Variants in KANK3 observed in about 807,000 individuals in gnomAD.
KANK3 encodes the protein KN motif and ankyrin repeat domains 3, also known as KN motif and ankyrin repeat domain-containing protein 3.
In KANK3, 61 loss-of-function variants were observed where a neutral mutation model predicts 65.4. That is an observed-to-expected ratio of 0.93 (90% confidence interval 0.76 to 1.15). KANK3 has a LOEUF of 1.15. KANK3 is among the 50% of genes most tolerant of loss of function. The pLI is 0.00. For missense variants in KANK3, 1,187 were observed against 1,178.8 expected (o/e 1.01, Z -0.10); for synonymous variants, 586 against 543.3 (o/e 1.08, Z -1.09).
At chr19:8,342,451 C>T (rs976900157) in intron 1 of KANK3, among the ~76,000 whole-genome samples, 3 of 152,164 alleles carry the variant, frequency 2.0e-5, no homozygotes, top group African/African-American at 7.2e-5. Context: ...ACAGCTAGAT[C>T]CGGATTCTGT....
rs754683116 is a variant in KANK3 at position 8,333,083 on chromosome 19, C to T, written c.1867G>A (p.Gly623Arg). The change falls in exon 7 of 11, where the codon GGG becomes AGG. Residue 623 changes from glycine to arginine, a missense_variant. This residue lies in a region of KANK3 where 1,078 missense variants were observed against 1,038.2 expected (regional missense o/e 1.04). Transcript: ENST00000330915. The surrounding 1 kb of genome is among the most constrained non-coding windows in gnomAD (Gnocchi z 5.0). The part of the protein sequence containing the change: ...AHVVNLADGN[G>R]NTALHYSVSH... Reference sequence around the variant, plus strand: ...ACACTGTAGTGCAGGGCCGTGTTCCCGTTGCCATCCGCCAGGTTCACCACG... The same window carrying T: ...ACACTGTAGTGCAGGGCCGTGTTCCTGTTGCCATCCGCCAGGTTCACCACG... 6.3e-6 allele frequency: 10 copies of T among 1,590,076 alleles called. No individual in the cohort carries two copies. Among genetic ancestry groups the T allele is most frequent in the South Asian group, 1.1e-5 (1 of 90,686 alleles).
chr19:8,340,110 G>A (rs1290017192), intron 1 of KANK3, among the ~76,000 whole-genome samples: 1 of 150,950 alleles, frequency 6.6e-6, no homozygotes, highest in African/African-American at 2.4e-5. Flanking sequence ...AAATGTCATC[G>A]CCATAGCTGG....
At position 8,326,421 on chromosome 19, in the gene KANK3, C is replaced by CA. The variant is rs1479288810; in HGVS notation, c.1937-1326dup. On this transcript the variant is annotated intron_variant, in intron 7 of 10. Coordinates refer to ENST00000330915, the MANE Select transcript of KANK3 (RefSeq NM_198471.3). ...TGGGTAACACAGTGAGACCCTGTCT[C>CA]AAACAAACAAACAAAAACACCTGCC... Among the ~76,000 whole-genome samples, 8 of 143,396 alleles carry CA rather than the reference C, an allele frequency of 5.6e-5. No individual in the cohort carries two copies. In the Admixed American group the frequency reaches 5.8e-4, roughly 10 times the overall value. 94.1% of individuals were successfully genotyped at this position (143,396 alleles called of 152,430 possible).
rs1970346417 is a variant in KANK3, at chr19:8,322,906, CCAG to C, written c.2396_2398del (p.Pro799_Gly800delinsArg). ...TTCACCAGGTGTGGCTGTCTGGGAGCCAGGGGGTGACTCGCTCTGGAGAGAGGG... is the reference window on the plus strand; with the variant it reads ...TTCACCAGGTGTGGCTGTCTGGGAGCGGGGTGACTCGCTCTGGAGAGAGGG... On this transcript the variant is annotated inframe_deletion, in exon 11 of 11. Coordinates refer to ENST00000330915, the MANE Select transcript of KANK3 (RefSeq NM_198471.3). 5 of 1,544,260 alleles carry C rather than the reference CCAG, an allele frequency of 3.2e-6. No homozygotes were observed. The East Asian group carries it at 1.2e-4, about 37-fold the overall frequency.
chr19:8,340,291 T>TATATATATATATACACACACACACAC (rs1472181365), intron 1 of KANK3, among the ~76,000 whole-genome samples: 1 of 92,870 alleles, frequency 1.1e-5, no homozygotes, highest in African/African-American at 4.4e-5. Flanking sequence ...TATATATATA[T>TATATATATATATACACACACACACAC]ACACACACAC....
At chr19:8,340,614 C>T (rs1970712101) in intron 1 of KANK3, among the ~76,000 whole-genome samples, 1 of 152,168 alleles carries the variant, frequency 6.6e-6, no homozygotes, top group Non-Finnish European at 1.5e-5. Flanking sequence ...CTTCTGGCTT[C>T]TCGAATCCCT....
At chr19:8,328,356 GTC>G (rs1294715786) in intron 7 of KANK3, among the ~76,000 whole-genome samples, 1 of 149,056 alleles carries the variant, frequency 6.7e-6, no homozygotes. Context: ...CTTGATAATC[GTC>G]TCTCTCCACT....
rs767249435 is a variant in KANK3, at chr19:8,322,788, C to T, written c.*51G>A. On this transcript the variant is annotated 3_prime_UTR_variant, in exon 11 of 11. Transcript: ENST00000330915. ...TTCTGTGCGCCAAAGGCTGAGGTGA[C>T]TGACGAGGAGATCTCCCCACAGCTA... The T allele has an allele frequency of 3.6e-6, 5 of 1,393,380 alleles. No homozygotes were observed. In the East Asian group the frequency reaches 1.2e-4, roughly 32 times the overall value. The allele number at this position is 1,393,380 out of a possible 1,614,324, so 86.3% of individuals were successfully genotyped here.
chr19:8,333,276 G>A lies in KANK3; in HGVS notation c.1720-46C>T, dbSNP rs1160839502. ...GATAACATCGGCGATGGTCCACGGC[G>A]GCGCCGTGGTGGGGGAGCTGGGGAG... On this transcript the variant is annotated intron_variant, in intron 6 of 10. Coordinates refer to ENST00000330915, the MANE Select transcript of KANK3 (RefSeq NM_198471.3). The surrounding 1 kb of genome is among the most constrained non-coding windows in gnomAD (Gnocchi z 5.0). The A allele has an allele frequency of 2.6e-6, 4 of 1,511,776 alleles. No individual in the cohort carries two copies. The South Asian group carries it at 3.5e-5, about 13-fold the overall frequency. 93.6% of individuals were successfully genotyped at this position (1,511,776 alleles called of 1,614,324 possible). A position where few individuals can be genotyped will look rare whatever the true frequency, so the allele number is the denominator to read the frequency against.
In KANK3 at chr19:8,335,457, G is replaced by A; in HGVS notation, c.370C>T (p.Pro124Ser). ...TGCTCGACGCGCGGGTTGCGCACGG[G>A]CGCGCGCGGCGACAGCGGCTGCATC... ...LLMQPLSPRA[P>S]VRNPRVEHTL... Residue 124 changes from proline (P) to serine (S), a missense_variant, in exon 3 of 11, where the codon CCC (proline) becomes TCC (serine). Pro to Ser is a moderately conservative substitution (Grantham distance 74). Coordinates refer to ENST00000330915, the MANE Select transcript of KANK3 (RefSeq NM_198471.3). The A allele has an allele frequency of 8.1e-7, 1 of 1,228,690 alleles. No individual in the cohort carries two copies. The highest frequency in any genetic ancestry group is 1.0e-6 in the Non-Finnish European group (1 of 983,240). The allele number at this position is 1,228,690 out of a possible 1,614,324, so 76.1% of individuals were successfully genotyped here.
chr19:8,324,294 A>G (rs1970378274), intron 10 of KANK3, among the ~76,000 whole-genome samples, 155 bp downstream of exon 10: 1 of 152,236 alleles, frequency 6.6e-6, no homozygotes, highest in South Asian at 2.1e-4. Flanking sequence ...GTCTCCCAAA[A>G]AAGAAAAGCA....
rs1011738492 is a variant in KANK3 at position 8,322,638 on chromosome 19, C to T, written c.*201G>A. 1.3e-5 allele frequency: 8 copies of T among 595,282 alleles called. No homozygotes were observed. Among genetic ancestry groups the T allele is most frequent in the Non-Finnish European group, 2.4e-5 (8 of 334,698 alleles). 36.9% of individuals were successfully genotyped at this position (595,282 alleles called of 1,614,324 possible). A position where few individuals can be genotyped will look rare whatever the true frequency, so the allele number is the denominator to read the frequency against. On this transcript the variant is annotated 3_prime_UTR_variant, in exon 11 of 11. Coordinates refer to ENST00000330915, the MANE Select transcript of KANK3 (RefSeq NM_198471.3). ...TTCAGAGAGTGGGTGGATCAGGGCT[C>T]TATCACTTGGTCCCCACCTCACCTT...
In KANK3 at chr19:8,334,060, C is replaced by A. The variant is rs1221486124; in HGVS notation, c.1484G>T (p.Gly495Val). ...GGAGCTACCCGGGGGCTCGGCGCCA[C>A]CGTTCTCGCTGTCGCCATCGCTGTC... ...ASDSDGDSEN[G>V]GAEPPGSSSG... Residue 495 changes from glycine (G) to valine (V), a missense_variant, in exon 5 of 11, where the codon GGT becomes GTT. By Grantham distance (109) the Gly-to-Val change is moderately radical. This residue lies in a region of KANK3 where 1,078 missense variants were observed against 1,038.2 expected (regional missense o/e 1.04). Transcript: ENST00000330915. 1.3e-6 allele frequency: 2 copies of A among 1,521,832 alleles called. No individual in the cohort carries two copies. Among genetic ancestry groups the A allele is most frequent in the Non-Finnish European group, 1.8e-6 (2 of 1,141,534 alleles). The allele number at this position is 1,521,832 out of a possible 1,614,324, so 94.3% of individuals were successfully genotyped here.
In KANK3 at chr19:8,335,235, G is replaced by A; in HGVS notation, c.592C>T (p.Arg198Cys). ...EQMAAALRRL[R>C]ELEDQARTLP... ...GTTCGCGCCTGGTCCTCGAGCTCGC[G>A]CAGGCGCCGCAGCGCCGCGGCCATC... The change falls in exon 3 of 11, where the codon CGC becomes TGC. Residue 198 changes from arginine (R) to cysteine (C), a missense_variant. Transcript: ENST00000330915. The A allele has an allele frequency of 8.2e-7, 1 of 1,226,662 alleles. No homozygotes were observed. Among genetic ancestry groups the A allele is most frequent in the South Asian group, 3.0e-5 (1 of 33,584 alleles). The allele number at this position is 1,226,662 out of a possible 1,614,324, so 76.0% of individuals were successfully genotyped here.
intron 2 of KANK3, 131 bp downstream of exon 2, chr19:8,337,664 G>T: frequency 9.1e-7 from 1 of 1,093,052 alleles, no homozygotes; most frequent in Non-Finnish European, 1.4e-6. Flanking sequence ...TGCCATAGGT[G>T]GTTTAAAGCA....
At chr19:8,342,003 T>A (rs773767915) in intron 1 of KANK3, among the ~76,000 whole-genome samples, 3 of 152,136 alleles carry the variant, frequency 2.0e-5, no homozygotes, top group Non-Finnish European at 2.9e-5. Flanking sequence ...TGCTTTCTTT[T>A]ATTTTTATTT....
Position 8,333,968 on chromosome 19 carries a change from C to G in KANK3, c.1576G>C (p.Asp526His), listed in dbSNP as rs1245436811. The G allele has an allele frequency of 6.4e-7, 1 of 1,569,566 alleles. No homozygotes were observed. The change falls in exon 5 of 11, where the codon GAC (aspartate) becomes CAC (histidine). Residue 526 changes from aspartate to histidine, a missense_variant. Physicochemically the swap from Asp to His is moderately conservative, Grantham distance 81. Transcript: ENST00000330915. The surrounding 1 kb of genome is among the most constrained non-coding windows in gnomAD (Gnocchi z 5.0). ...GCCTCGGGCTCAGGGTCCCGGATGT[C>G]CCCGCCGCTGGGAGGGCCAGGGGTG... ...SGTPGPPSGG[D>H]IRDPEPEAEA...
At chr19:8,330,919 C>T (rs575259828) in intron 7 of KANK3, among the ~76,000 whole-genome samples, 2 of 150,342 alleles carry the variant, frequency 1.3e-5, no homozygotes, top group African/African-American at 4.9e-5. Context: ...CAAACAAGGC[C>T]GGGCAAAGCG....
At chr19:8,324,373 C>T (rs1440236004) in intron 10 of KANK3, 76 bp downstream of exon 10, 2 of 1,339,898 alleles carry the variant, frequency 1.5e-6, no homozygotes, top group South Asian at 2.6e-5. Flanking sequence ...GAAAGGGAGG[C>T]TCAGGGCATA....
Sources: gnomAD v4.1 joint callset for allele counts (sites outside exome capture counted in the v4.1 genomes callset) on GRCh38, gnomAD v4.1.1 for gene constraint, gnomAD v4.1.1 regional missense constraint, Gnocchi (gnomAD v3.1) non-coding constraint, MANE v1.5 for transcripts, NCBI Gene and HGNC (gene_info 2026-07-23, HGNC 2026-07-21) for gene names.